The following PCBP3 variants were observed in gnomAD, a reference collection of about 807,000 sequenced individuals.
PCBP3 encodes poly(rC)-binding protein 3.
In PCBP3, 25 loss-of-function variants were observed where a neutral mutation model predicts 52.7. That is an observed-to-expected ratio of 0.47 (90% CI 0.35 to 0.66). The LOEUF is 0.66. Among genes scored for constraint, PCBP3 ranks in the 30% least tolerant of loss-of-function variants. The pLI is 0.01. For missense variants in PCBP3, 391 were observed against 490.3 expected, an observed-to-expected ratio of 0.80 and a Z score of 1.91; for synonymous variants, 162 against 183.0, an observed-to-expected ratio of 0.89 and a Z score of 0.93.
chr21:45,702,293 T>C (rs1371840303), intron 2 of PCBP3, among the ~76,000 whole-genome samples: 3 of 152,202 alleles, frequency 2.0e-5, no homozygotes, highest in African/African-American at 7.2e-5. Flanking sequence ...TTTGGAAATA[T>C]TATTCACTGA....
chr21:45,889,363 C>T (rs943995422), intron 5 of PCBP3, among the ~76,000 whole-genome samples: 1 of 152,228 alleles, frequency 6.6e-6, no homozygotes, highest in Admixed American at 6.5e-5. Context: ...CTGTCAGGAC[C>T]GTCTTCTCTA....
chr21:45,933,982 T>C lies in PCBP3; in HGVS notation c.857-1271T>C, dbSNP rs186284965. Among the ~76,000 whole-genome samples, 759 of 151,728 alleles carry C rather than the reference T, an allele frequency of 5.0e-3. 13 individuals carry two copies. The highest frequency in any genetic ancestry group is 0.043 in the South Asian group (206 of 4,798). On this transcript the variant is annotated intron_variant, in intron 15 of 17. Transcript: ENST00000681687. ...GAGTTGGGGGGCACAGGAGGCGCCG[T>C]GAGGAAGTAGGAGCTCATTGGGAGT...
At chr21:45,795,073 A>G (rs1170039538) in intron 4 of PCBP3, among the ~76,000 whole-genome samples, 1 of 152,278 alleles carries the variant, frequency 6.6e-6, no homozygotes, top group Non-Finnish European at 1.5e-5. Flanking sequence ...CTTCACGTTT[A>G]TAATCCTCTA....
In PCBP3 at chr21:45,841,797, C is replaced by A. The variant is rs374177164; in HGVS notation, c.-125-8164C>A. Among the ~76,000 whole-genome samples, 3 of 152,316 alleles carry A rather than the reference C, an allele frequency of 2.0e-5. No homozygotes were observed. In the South Asian group the frequency reaches 6.2e-4, roughly 32 times the overall value. ...AAGTAGCATTCCTAGCCTCAGCAAC[C>A]AAGAGGTCTCTCTGTTATTACGGTG... On this transcript the variant is annotated intron_variant, in intron 4 of 17. Transcript: ENST00000681687.
chr21:45,919,522 G>A (rs2149362066), intron 13 of PCBP3: 1 of 152,354 alleles, frequency 6.6e-6, no homozygotes, highest in Admixed American at 6.5e-5. Context: ...ATTGAATGGA[G>A]AATAGATAAC....
intron 1 of PCBP3, among the ~76,000 whole-genome samples, chr21:45,664,887 G>A (rs1210206669): frequency 3.3e-5 from 5 of 151,198 alleles, no homozygotes; most frequent in African/African-American, 4.9e-5. Flanking sequence ...TTGTTCTTGC[G>A]ATAGTTTACT....
chr21:45,794,929 A>C (rs2091842836), intron 4 of PCBP3, among the ~76,000 whole-genome samples: 1 of 123,436 alleles, frequency 8.1e-6, no homozygotes, highest in Non-Finnish European at 1.8e-5. Flanking sequence ...ACTCTGTCTC[A>C]AAAAAAAAAA....
chr21:45,659,080 TCTTTTTTTAAAAAAAAAA>T (rs2080210459), intron 1 of PCBP3, among the ~76,000 whole-genome samples: 2 of 147,294 alleles, frequency 1.4e-5, no homozygotes, highest in Non-Finnish European at 3.0e-5. Context: ...GTTTCATTGG[TCTTTTTTTAAAAAAAAAA>T]CTTTGGTTTC....
chr21:45,910,957 G>A lies in PCBP3; in HGVS notation c.527G>A (p.Arg176Gln), dbSNP rs982445407. Residue 176 changes from arginine (R) to glutamine (Q), a missense_variant, in exon 11 of 18, where the codon CGA (arginine) becomes CAA (glutamine). Coordinates refer to ENST00000681687, the MANE Select transcript of PCBP3 (RefSeq NM_001384156.1). ...AGDMLPNSTE[R>Q]AVTISGTPDA... is the part of the protein sequence containing the mutation. ...GACATGCTGCCCAACTCCACGGAGC[G>A]AGCGGTGACCATCTCGGGGACCCCA... The A allele has an allele frequency of 6.2e-6, 10 of 1,612,078 alleles. No homozygotes were observed. Among genetic ancestry groups the A allele is most frequent in the Non-Finnish European group, 7.6e-6 (9 of 1,179,926 alleles).
chr21:45,881,599 T>C (rs191296949), intron 5 of PCBP3, among the ~76,000 whole-genome samples: 2 of 152,144 alleles, frequency 1.3e-5, no homozygotes, highest in Non-Finnish European at 2.9e-5. Flanking sequence ...AAAATCACTC[T>C]CAGCAATTTT....
In PCBP3 at chr21:45,649,229, T is replaced by C. The variant is rs148600862; in HGVS notation, c.-279+5361T>C. Among the ~76,000 whole-genome samples the C allele has an allele frequency of 6.5e-4, 99 of 152,298 alleles. 1 individual carries two copies. The highest frequency in any genetic ancestry group is 1.6e-3 in the African/African-American group (67 of 41,558). ...CAGGGAAACTCCCCTTTTAAAACTA[T>C]CTGATCTCTTGAGACTTACTCACTG... On this transcript the variant is annotated intron_variant, in intron 1 of 17. Transcript: ENST00000681687.
chr21:45,645,271 G>A (rs2079181612), intron 1 of PCBP3, among the ~76,000 whole-genome samples: 1 of 151,642 alleles, frequency 6.6e-6, no homozygotes, highest in African/African-American at 2.4e-5. Flanking sequence ...AGATGCTGTT[G>A]TTTATACAGT....
intron 5 of PCBP3, among the ~76,000 whole-genome samples, chr21:45,860,602 C>G (rs78055933): frequency 6.6e-6 from 1 of 152,208 alleles, no homozygotes; most frequent in South Asian, 2.1e-4. Context: ...AGGTAGAAAA[C>G]CCATCGCCCT....
At chr21:45,730,948 A>G (rs577133133) in intron 2 of PCBP3, among the ~76,000 whole-genome samples, 59 of 152,178 alleles carry the variant, frequency 3.9e-4, no homozygotes, top group Non-Finnish European at 6.8e-4. Context: ...CAAATAGCTT[A>G]TAGCGTGGTC....
At chr21:45,765,296 C>T (rs552991916) in intron 4 of PCBP3, among the ~76,000 whole-genome samples, 11 of 152,310 alleles carry the variant, frequency 7.2e-5, no homozygotes, top group Admixed American at 3.3e-4. Context: ...GAAACCCTTC[C>T]CACAGCACCA....
rs11701111 is a variant in PCBP3, at chr21:45,904,705, A to G, written c.339+3592A>G. Among the ~76,000 whole-genome samples the G allele has an allele frequency of 6.6e-6, 1 of 152,256 alleles. No individual in the cohort carries two copies. The highest frequency in any genetic ancestry group is 6.5e-5 in the Admixed American group (1 of 15,284). On this transcript the variant is annotated intron_variant, in intron 9 of 17. Coordinates refer to ENST00000681687, the MANE Select transcript of PCBP3 (RefSeq NM_001384156.1). This position sits in a 1 kb window ranked among gnomAD's most constrained non-coding sequence, Gnocchi z 4.8. ...TTCAGCCCATCCTGAAAACACACAC[A>G]TAACAGCGAAAGTATTTCCAGTCCC...
intron 2 of PCBP3, among the ~76,000 whole-genome samples, chr21:45,671,932 C>G (rs1279257150): frequency 6.6e-6 from 1 of 152,110 alleles, no homozygotes. Context: ...CTGTTGTCCT[C>G]CAGGCCTCCT....
chr21:45,847,899 G>A (rs1319562759), intron 4 of PCBP3, among the ~76,000 whole-genome samples: 1 of 152,118 alleles, frequency 6.6e-6, no homozygotes, highest in African/African-American at 2.4e-5. Context: ...GGTCTGTTTC[G>A]TAGTTTTGCT....
chr21:45,880,959 G>A lies in PCBP3; in HGVS notation c.11-15249G>A, dbSNP rs1443602018. ...TCAGCACGGGGTGAGTCCAAGCTTA[G>A]AAGCTCACTGGCAGCGTCAGGCAGC... On this transcript the variant is annotated intron_variant, in intron 5 of 17. Transcript: ENST00000681687. This position sits in a 1 kb window ranked among gnomAD's most constrained non-coding sequence, Gnocchi z 5.4. Among the ~76,000 whole-genome samples, 1 of 152,208 alleles carries A rather than the reference G, an allele frequency of 6.6e-6. No homozygotes were observed. Among genetic ancestry groups the A allele is most frequent in the Non-Finnish European group, 1.5e-5 (1 of 68,048 alleles).
Sources: allele counts gnomAD v4.1 joint callset (sites outside exome capture counted in the v4.1 genomes callset), GRCh38; gene constraint gnomAD v4.1.1; non-coding constraint Gnocchi (gnomAD v3.1); transcripts MANE v1.5; gene names NCBI Gene and HGNC (gene_info 2026-07-23, HGNC 2026-07-21).